The following EHBP1 variants were observed in gnomAD, a reference collection of about 807,000 sequenced individuals.
EHBP1 encodes the protein EH domain binding protein 1, also known as EH domain-binding protein 1.
In EHBP1, 55 loss-of-function variants were observed where a neutral mutation model predicts 144.0. The ratio of observed to expected loss-of-function variants is 0.38; its 90% CI spans 0.31 to 0.48. EHBP1 has a LOEUF of 0.48. Among genes scored for constraint, EHBP1 ranks in the 20% least tolerant of loss-of-function variants. The pLI, the probability that EHBP1 is intolerant of heterozygous loss-of-function variation, is 0.98. For synonymous variants in EHBP1, 469 were observed against 472.7 expected, an observed-to-expected ratio of 0.99 and a Z score of 0.10; for missense variants, 1,200 against 1,364.2, an observed-to-expected ratio of 0.88 and a Z score of 1.90.
At chr2:62,949,267 A>G (rs1184847033) in intron 13 of EHBP1, 105 bp downstream of exon 13, 24 of 1,034,734 alleles carry the variant, frequency 2.3e-5, no homozygotes, top group Admixed American at 1.5e-4. Flanking sequence ...GGTGAAGTGT[A>G]ATTTCTATTA....
chr2:63,021,350 A>G (rs1027039345), intron 19 of EHBP1, among the ~76,000 whole-genome samples: 1 of 152,122 alleles, frequency 6.6e-6, no homozygotes, highest in Non-Finnish European at 1.5e-5. Context: ...CTTAGGTTAT[A>G]TGTAAAAAGT....
chr2:62,984,959 A>G (rs1559025271), intron 15 of EHBP1, among the ~76,000 whole-genome samples: 1 of 151,782 alleles, frequency 6.6e-6, no homozygotes, highest in Non-Finnish European at 1.5e-5. Flanking sequence ...AGACTTACCT[A>G]TTTTTTTTCA....
At chr2:63,000,205 A>C (rs1372129382) in intron 19 of EHBP1, among the ~76,000 whole-genome samples, 6 of 152,174 alleles carry the variant, frequency 3.9e-5, no homozygotes, top group Non-Finnish European at 2.9e-5. Flanking sequence ...TAAAAGGCTC[A>C]TACAACAAGA....
chr2:62,741,078 T>C (rs1403699031), intron 2 of EHBP1, among the ~76,000 whole-genome samples: 1 of 152,208 alleles, frequency 6.6e-6, no homozygotes, highest in East Asian at 1.9e-4. Flanking sequence ...GCCTTCTGTG[T>C]GGTCACTCAG....
At chr2:62,838,965 G>A (rs1175090038) in intron 7 of EHBP1, among the ~76,000 whole-genome samples, 1 of 140,246 alleles carries the variant, frequency 7.1e-6, no homozygotes, top group Non-Finnish European at 1.5e-5. Context: ...AATAGAAAAA[G>A]AGGGAATCCT....
intron 4 of EHBP1, among the ~76,000 whole-genome samples, chr2:62,770,005 T>C (rs972314272): frequency 6.6e-6 from 1 of 152,062 alleles, no homozygotes; most frequent in African/African-American, 2.4e-5. Context: ...TTACACCATA[T>C]ACAAAAATCA....
chr2:62,880,215 A>G (rs562604695), intron 10 of EHBP1, among the ~76,000 whole-genome samples: 2 of 152,180 alleles, frequency 1.3e-5, no homozygotes, highest in Non-Finnish European at 2.9e-5. Context: ...AATTAACTCA[A>G]GATGCATTAA....
chr2:63,045,336 G>T lies in EHBP1; in HGVS notation c.3393-74G>T. On this transcript the variant is annotated intron_variant, in intron 22 of 22. Coordinates refer to ENST00000431489, the MANE Select transcript of EHBP1 (RefSeq NM_001142616.3). The surrounding 1 kb of genome is among the most constrained non-coding windows in gnomAD (Gnocchi z 5.7). Reference sequence around the variant, plus strand: ...GCTGGGGATCCAAATACTGGGCGACGGGGGAGTGCTGCTCTGCCCTCCACG... The same window carrying T: ...GCTGGGGATCCAAATACTGGGCGACTGGGGAGTGCTGCTCTGCCCTCCACG... 6.8e-7 allele frequency: 1 copy of T among 1,463,728 alleles called. No individual in the cohort carries two copies. The highest frequency in any genetic ancestry group is 1.2e-5 in the South Asian group (1 of 86,104). The allele number at this position is 1,463,728 out of a possible 1,614,324, so 90.7% of individuals were successfully genotyped here.
intron 2 of EHBP1, among the ~76,000 whole-genome samples, chr2:62,746,692 AC>A (rs1285393000): frequency 6.6e-6 from 1 of 151,746 alleles, no homozygotes; most frequent in Non-Finnish European, 1.5e-5. Flanking sequence ...AACCACAGTT[AC>A]TTTTGCACGA....
intron 14 of EHBP1, among the ~76,000 whole-genome samples, chr2:62,957,640 G>GTTTTTTTTTTTTTT (rs771682026): frequency 1.4e-5 from 1 of 69,698 alleles, no homozygotes; most frequent in African/African-American, 7.3e-5. Flanking sequence ...GAAAATAAAT[G>GTTTTTTTTTTTTTT]CTTTTTTTTT....
At chr2:62,782,275 A>T (rs1043765435) in intron 5 of EHBP1, among the ~76,000 whole-genome samples, 4 of 152,266 alleles carry the variant, frequency 2.6e-5, no homozygotes, top group African/African-American at 9.6e-5. Flanking sequence ...ATGTATAATG[A>T]TAGCTGAAAA....
At chr2:62,684,906 C>G (rs1197854350) in intron 1 of EHBP1, among the ~76,000 whole-genome samples, 1 of 152,164 alleles carries the variant, frequency 6.6e-6, no homozygotes, top group Non-Finnish European at 1.5e-5. Flanking sequence ...AATTTGTTGT[C>G]TCACAGCTCT....
chr2:62,942,723 C>T lies in EHBP1; in HGVS notation c.1191C>T (p.Ser397=). 2 of 1,596,924 alleles carry T rather than the reference C, an allele frequency of 1.3e-6. No homozygotes were observed. The highest frequency in any genetic ancestry group is 8.5e-7 in the Non-Finnish European group (1 of 1,171,062). Reference sequence around the variant, plus strand: ...CCCTTTTCATTTTTTTCTAGCCAAGCCCTATACCAAGTCCTGTTTTGGGGC... The same window carrying T: ...CCCTTTTCATTTTTTTCTAGCCAAGTCCTATACCAAGTCCTGTTTTGGGGC... ...GKDLSTSPKP[S]PIPSPVLGRK... The change falls in exon 11 of 23, where the codon AGC becomes AGT. Residue 397 remains serine (S), a synonymous_variant. Transcript: ENST00000431489.
chr2:62,697,611 G>A (rs2034146600), intron 1 of EHBP1, among the ~76,000 whole-genome samples: 1 of 152,310 alleles, frequency 6.6e-6, no homozygotes, highest in East Asian at 1.9e-4. Context: ...GCTCCAGGAG[G>A]ACAGGGATTT....
At chr2:62,931,792 G>A (rs1050276359) in intron 10 of EHBP1, among the ~76,000 whole-genome samples, 7 of 152,070 alleles carry the variant, frequency 4.6e-5, no homozygotes, top group Non-Finnish European at 2.9e-5. Flanking sequence ...GTGGCTGTTG[G>A]GATAACATCT....
intron 10 of EHBP1, among the ~76,000 whole-genome samples, chr2:62,880,615 G>C (rs1334253113): frequency 6.6e-6 from 1 of 152,044 alleles, no homozygotes; most frequent in African/African-American, 2.4e-5. Context: ...CTTCTCAAAA[G>C]AATACATACA....
chr2:63,002,498 T>C (rs760118124), intron 19 of EHBP1, among the ~76,000 whole-genome samples: 4 of 152,114 alleles, frequency 2.6e-5, no homozygotes, highest in South Asian at 2.1e-4. Flanking sequence ...AGTACCTCGG[T>C]GGCATGAATG....
intron 3 of EHBP1, among the ~76,000 whole-genome samples, chr2:62,752,056 G>C (rs1249251662): frequency 6.6e-6 from 1 of 151,878 alleles, no homozygotes; most frequent in African/African-American, 2.4e-5. Flanking sequence ...TGCTTCTCTA[G>C]TTCTTTTAAT....
In EHBP1 at chr2:62,987,962, C is replaced by T. The variant is rs370865896; in HGVS notation, c.2609-2754C>T. 2.7e-4 allele frequency: 425 copies of T among 1,603,038 alleles called. 3 individuals carry two copies. The South Asian group carries it at 3.8e-3, about 14-fold the overall frequency. On this transcript the variant is annotated intron_variant, in intron 15 of 22. Transcript: ENST00000431489. ...ATGATAATATTGAGATAGATACTAA[C>T]GAGGAGATCCCTGAAGGCTTTGTTG...
Sources: gnomAD v4.1 joint callset for allele counts (sites outside exome capture counted in the v4.1 genomes callset) on GRCh38, gnomAD v4.1.1 for gene constraint, Gnocchi (gnomAD v3.1) non-coding constraint, MANE v1.5 for transcripts, NCBI Gene and HGNC (gene_info 2026-07-23, HGNC 2026-07-21) for gene names.